ZFP1: variants seen among roughly 807,000 people sequenced by gnomAD.
ZFP1 encodes the protein zinc finger protein 1 homolog.
A neutral mutation model predicts 38.5 loss-of-function variants in ZFP1; 32 were observed. The observed-to-expected ratio is 0.83, with a 90% CI of 0.63 to 1.12. The LOEUF is 1.12. Among genes scored for constraint, ZFP1 ranks in the 50% most tolerant of loss-of-function variants. The pLI is 0.00. For missense variants in ZFP1, 616 were observed against 480.8 expected (o/e 1.28, Z -2.63); for synonymous variants, 245 against 168.8 (o/e 1.45, Z -3.50).
At position 75,153,563 on chromosome 16, in the gene ZFP1, T is replaced by C. The variant is rs1193585706; in HGVS notation, c.15+597T>C. ...AGATTTCATTTTTTTTAGAGCAGTT[T>C]TGGGTTTACAGAAAAATTGAATGGG... On this transcript the variant is annotated intron_variant, in intron 2 of 3. Coordinates refer to ENST00000570010, the MANE Select transcript of ZFP1 (RefSeq NM_153688.4). Among the ~76,000 whole-genome samples, 3 of 152,318 alleles carry C rather than the reference T, an allele frequency of 2.0e-5. No individual in the cohort carries two copies. The East Asian group carries it at 5.8e-4, about 29-fold the overall frequency.
the ZFP1 span, among the ~76,000 whole-genome samples, chr16:75,136,923 T>C: frequency 6.6e-6 from 1 of 152,102 alleles, no homozygotes. Context: ...TATATGTATA[T>C]GCACACCTTA....
At chr16:75,162,679 T>TAG (rs2037847825) in intron 2 of ZFP1, among the ~76,000 whole-genome samples, 1 of 152,146 alleles carries the variant, frequency 6.6e-6, no homozygotes, top group Admixed American at 6.6e-5. Context: ...TCCCTACCAG[T>TAG]AGATCCCAGT....
At chr16:75,123,499 A>G in the ZFP1 span, among the ~76,000 whole-genome samples, 20 of 103,934 alleles carry the variant, frequency 1.9e-4, no homozygotes, top group Non-Finnish European at 3.2e-4. Context: ...ATATATATAT[A>G]TGTAGGAAAA....
chr16:75,167,218 G>A (rs532845322), intron 3 of ZFP1, among the ~76,000 whole-genome samples: 2 of 152,350 alleles, frequency 1.3e-5, no homozygotes, highest in Non-Finnish European at 2.9e-5. Context: ...ACGGGAGAGA[G>A]GGAGAAGCAG....
intron 2 of ZFP1, among the ~76,000 whole-genome samples, chr16:75,165,521 A>G (rs2038025170): frequency 6.6e-6 from 1 of 151,934 alleles, no homozygotes; most frequent in Non-Finnish European, 1.5e-5. Context: ...CAGCCTCCCG[A>G]GTAGCTGGGA....
the ZFP1 span, among the ~76,000 whole-genome samples, chr16:75,142,009 G>A: frequency 1.4e-4 from 21 of 148,112 alleles, no homozygotes; most frequent in African/African-American, 4.0e-4. Context: ...AGCCGAGATC[G>A]CGCCACTGCA....
rs1567545815 is a variant in ZFP1, at chr16:75,170,403, C to G, written c.*69C>G. On this transcript the variant is annotated 3_prime_UTR_variant, in exon 4 of 4. Coordinates refer to ENST00000570010, the MANE Select transcript of ZFP1 (RefSeq NM_153688.4). ...TTCAAGCGGGTGAAAAACCTCATGA[C>G]AGTATTGAGGGAACATGGGAATTCA... The G allele has an allele frequency of 2.7e-6, 4 of 1,492,278 alleles. No homozygotes were observed. In the South Asian group the frequency reaches 5.9e-5, roughly 22 times the overall value. 92.4% of individuals were successfully genotyped at this position (1,492,278 alleles called of 1,614,324 possible). A position where few individuals can be genotyped will look rare whatever the true frequency, so the allele number is the denominator to read the frequency against.
the ZFP1 span, among the ~76,000 whole-genome samples, chr16:75,123,041 A>G: frequency 6.6e-6 from 1 of 152,174 alleles, no homozygotes; most frequent in Non-Finnish European, 1.5e-5. Context: ...AGATTTTATT[A>G]TTTGGGTATT....
Position 75,169,760 on chromosome 16 carries a change from G to T in ZFP1, c.650G>T (p.Cys217Phe). ...GAAAAGCCATATGAATGCAATGTATGTAAGAAAACCTTCTCCCATAAGGCC... is the reference window on the plus strand; with the variant it reads ...GAAAAGCCATATGAATGCAATGTATTTAAGAAAACCTTCTCCCATAAGGCC... The part of the protein sequence containing the change: ...TGEKPYECNV[C>F]KKTFSHKANL... The change falls in exon 4 of 4, where the codon TGT becomes TTT. Residue 217 changes from cysteine (C) to phenylalanine (F), a missense_variant. Physicochemically the swap from Cys to Phe is radical, Grantham distance 205. Transcript: ENST00000570010. 2 of 1,613,526 alleles carry T rather than the reference G, an allele frequency of 1.2e-6. No homozygotes were observed. Among genetic ancestry groups the T allele is most frequent in the Non-Finnish European group, 1.7e-6 (2 of 1,179,778 alleles).
the ZFP1 span, among the ~76,000 whole-genome samples, chr16:75,138,816 T>C: frequency 1.3e-5 from 2 of 152,198 alleles, no homozygotes; most frequent in Non-Finnish European, 2.9e-5. Flanking sequence ...GCCGACACCT[T>C]GCCTTTAGAC....
In ZFP1 at chr16:75,170,154, A is replaced by C. The variant is rs370430075; in HGVS notation, c.1044A>C (p.Gly348=). 15 of 1,614,066 alleles carry C rather than the reference A, an allele frequency of 9.3e-6. No individual in the cohort carries two copies. The highest frequency in any genetic ancestry group is 3.3e-5 in the Admixed American group (2 of 59,994). The part of the protein sequence containing the change: ...QLIIHMRTHT[G]EKPYECTECG... ...TCATACACATGAGAACTCATACAGG[A>C]GAGAAACCCTATGAATGTACTGAGT... is the stretch of plus-strand genomic sequence containing the variant. Residue 348 remains glycine, a synonymous_variant, in exon 4 of 4, where the codon GGA becomes GGC. Transcript: ENST00000570010.
the ZFP1 span, among the ~76,000 whole-genome samples, chr16:75,143,303 G>A: frequency 6.6e-6 from 1 of 151,964 alleles, no homozygotes; most frequent in Non-Finnish European, 1.5e-5. Context: ...GTGCAATGGT[G>A]TGATCTGGGC....
chr16:75,132,473 C>A, the ZFP1 span: 1 of 151,614 alleles, frequency 6.6e-6, no homozygotes, highest in Non-Finnish European at 1.5e-5. Flanking sequence ...ATATATTTCT[C>A]TAATCTCTGT....
chr16:75,154,573 GT>G (rs33986637), intron 2 of ZFP1, among the ~76,000 whole-genome samples: 28,951 of 111,118 alleles, frequency 0.26, 2,030 homozygotes, highest in Non-Finnish European at 0.31. Context: ...ATGAATGAGA[GT>G]TTTTTTTTTT....
chr16:75,167,071 T>G (rs758145224), intron 3 of ZFP1, among the ~76,000 whole-genome samples, 175 bp downstream of exon 3: 8 of 152,238 alleles, frequency 5.3e-5, no homozygotes, highest in Non-Finnish European at 1.0e-4. Flanking sequence ...CTTTAAGGCT[T>G]CTGAAGTCCA....
At chr16:75,141,629 A>G in the ZFP1 span, among the ~76,000 whole-genome samples, 1 of 152,072 alleles carries the variant, frequency 6.6e-6, no homozygotes. Context: ...TCACGCCTAT[A>G]ATCCCAGTGC....
At chr16:75,150,746 C>T (rs2037156651) in intron 1 of ZFP1, among the ~76,000 whole-genome samples, 1 of 151,900 alleles carries the variant, frequency 6.6e-6, no homozygotes, top group East Asian at 1.9e-4. Flanking sequence ...GTTTTAAGGT[C>T]GAGGATATGA....
upstream of ZFP1, among the ~76,000 whole-genome samples, chr16:75,146,359 G>A (rs1324685579): frequency 6.6e-6 from 1 of 152,030 alleles, no homozygotes; most frequent in Non-Finnish European, 1.5e-5. Flanking sequence ...ATTAGAGACA[G>A]GGTTTCGCTG....
Position 75,169,413 on chromosome 16 carries a change from A to G in ZFP1, c.303A>G (p.Gln101=), listed in dbSNP as rs147969580. ...NLNTDFVSLR[Q]VPYKYDLYEK... ...ACACAGACTTTGTTTCTTTAAGACA[A>G]GTACCTTATAAATATGACTTATATG... is the stretch of plus-strand genomic sequence containing the variant. Residue 101 remains glutamine (Q), a synonymous_variant, in exon 4 of 4, where the codon CAA becomes CAG. Coordinates refer to ENST00000570010, the MANE Select transcript of ZFP1 (RefSeq NM_153688.4). 9.3e-6 allele frequency: 15 copies of G among 1,614,002 alleles called. No homozygotes were observed. The Admixed American group carries it at 2.5e-4, about 27-fold the overall frequency.
Sources: allele counts gnomAD v4.1 joint callset (sites outside exome capture counted in the v4.1 genomes callset), GRCh38; gene constraint gnomAD v4.1.1; transcripts MANE v1.5; gene names NCBI Gene and HGNC (gene_info 2026-07-23, HGNC 2026-07-21).